ULK4: variants seen among roughly 807,000 people sequenced by gnomAD.
The protein encoded by ULK4 is unc-51 like kinase 4, also known as inactive serine/threonine-protein kinase ULK4.
In ULK4, 133 loss-of-function variants were observed where a neutral mutation model predicts 160.6. The ratio of observed to expected loss-of-function variants is 0.83; its 90% CI spans 0.72 to 0.96. The LOEUF is 0.96. ULK4 is among the 40% of genes least tolerant of loss of function. ULK4 has a pLI of 0.00. For synonymous variants in ULK4, 534 were observed against 539.8 expected, an observed-to-expected ratio of 0.99 and a Z score of 0.15; for missense variants, 1,580 against 1,499.5, an observed-to-expected ratio of 1.05 and a Z score of -0.89.
chr3:41,567,599 G>A (rs971784635), intron 31 of ULK4, among the ~76,000 whole-genome samples: 8 of 151,680 alleles, frequency 5.3e-5, no homozygotes, highest in East Asian at 1.9e-4. Flanking sequence ...GGCATGCACC[G>A]TCATACCCGG....
At chr3:41,369,396 A>C (rs2081317003) in intron 35 of ULK4, among the ~76,000 whole-genome samples, 1 of 152,064 alleles carries the variant, frequency 6.6e-6, no homozygotes, top group Admixed American at 6.6e-5. Flanking sequence ...CAGGAGGCTG[A>C]GGTGAGAGGA....
intron 34 of ULK4, among the ~76,000 whole-genome samples, chr3:41,429,834 G>A (rs1199621924): frequency 1.3e-5 from 2 of 152,076 alleles, no homozygotes; most frequent in East Asian, 3.9e-4. Context: ...GATAGGTACA[G>A]CAAACCACCA....
intron 30 of ULK4, among the ~76,000 whole-genome samples, chr3:41,658,344 G>A (rs2035017799): frequency 6.6e-6 from 1 of 152,156 alleles, no homozygotes; most frequent in Non-Finnish European, 1.5e-5. Context: ...AATTGGCCTA[G>A]GGTATGGCCT....
At chr3:41,436,707 A>G (rs1209108469) in intron 34 of ULK4, among the ~76,000 whole-genome samples, 1 of 152,160 alleles carries the variant, frequency 6.6e-6, no homozygotes, top group Non-Finnish European at 1.5e-5. Context: ...AGTGGGACCG[A>G]GCAACCACGT....
At chr3:41,876,144 T>A (rs148144160) in intron 17 of ULK4, among the ~76,000 whole-genome samples, 1 of 150,228 alleles carries the variant, frequency 6.7e-6, no homozygotes, top group East Asian at 1.9e-4. Context: ...AGAATCAATG[T>A]AATGTGGCAA....
intron 35 of ULK4, among the ~76,000 whole-genome samples, chr3:41,344,752 CAAAAAAA>C (rs59466358): frequency 4.8e-5 from 3 of 62,820 alleles, no homozygotes; most frequent in Non-Finnish European, 9.3e-5. Context: ...GACTCTGTCT[CAAAAAAA>C]AAAAAAAAAA....
intron 20 of ULK4, among the ~76,000 whole-genome samples, chr3:41,799,560 C>T (rs752064661): frequency 3.9e-5 from 6 of 152,110 alleles, no homozygotes; most frequent in Non-Finnish European, 8.8e-5. Context: ...TTTCTACTAT[C>T]GCCTCTAAAT....
At position 41,705,166 on chromosome 3, in the gene ULK4, A is replaced by G; in HGVS notation, c.2687-15T>C. ...TGCTGTCAGTCCTAGAAATACAGTTAATTATTATAGGTGTTTATTTACATG... is the reference window on the plus strand; with the variant it reads ...TGCTGTCAGTCCTAGAAATACAGTTGATTATTATAGGTGTTTATTTACATG... On this transcript the variant is annotated splice_polypyrimidine_tract_variant and intron_variant, in intron 26 of 36. Transcript: ENST00000301831. 6.2e-7 allele frequency: 1 copy of G among 1,608,980 alleles called. No homozygotes were observed. Among genetic ancestry groups the G allele is most frequent in the East Asian group, 2.2e-5 (1 of 44,830 alleles).
At chr3:41,387,854 A>T (rs1478871302) in intron 35 of ULK4, among the ~76,000 whole-genome samples, 1 of 152,214 alleles carries the variant, frequency 6.6e-6, no homozygotes, top group East Asian at 1.9e-4. Context: ...GTGTCTTCAT[A>T]GCAGCATGAT....
intron 3 of ULK4, chr3:41,937,391 CTTT>C (rs1387477438): frequency 4.2e-5 from 28 of 668,830 alleles, no homozygotes; most frequent in Non-Finnish European, 6.2e-5. Flanking sequence ...CAAATTACTT[CTTT>C]AAGTTTTATA....
At chr3:41,431,547 C>CTTTTTTTTTTTTTTT (rs1553664758) in intron 34 of ULK4, among the ~76,000 whole-genome samples, 142 of 95,568 alleles carry the variant, frequency 1.5e-3, no homozygotes, top group East Asian at 6.8e-3. Flanking sequence ...AATTCCCTCC[C>CTTTTTTTTTTTTTTT]TTTTTTTTTT....
intron 32 of ULK4, among the ~76,000 whole-genome samples, chr3:41,509,273 A>T (rs2085492730): frequency 6.6e-6 from 1 of 152,114 alleles, no homozygotes; most frequent in African/African-American, 2.4e-5. Context: ...CATCAAAGAA[A>T]AGAAGAAAGA....
Position 41,657,997 on chromosome 3 carries a change from A to G in ULK4, c.3071+5610T>C, listed in dbSNP as rs532371043. ...CAGACCACTTACAAAAATTGACCAT[A>G]TATTAGGCCAAAGCAAATAATAAGA... On this transcript the variant is annotated intron_variant, in intron 30 of 36. Transcript: ENST00000301831. Among the ~76,000 whole-genome samples the G allele has an allele frequency of 1.1e-3, 162 of 152,270 alleles. 1 individual carries two copies. The highest frequency in any genetic ancestry group is 3.8e-3 in the African/African-American group (157 of 41,544).
chr3:41,466,097 T>A (rs1034588633), intron 32 of ULK4, among the ~76,000 whole-genome samples: 9 of 152,238 alleles, frequency 5.9e-5, no homozygotes, highest in African/African-American at 2.2e-4. Context: ...CAATATGTCC[T>A]ATCTTTGGCC....
chr3:41,334,303 C>T (rs1575442287), intron 35 of ULK4, among the ~76,000 whole-genome samples: 1 of 152,078 alleles, frequency 6.6e-6, no homozygotes, highest in African/African-American at 2.4e-5. Flanking sequence ...ATCAGAGGCC[C>T]GTTGCATCTC....
At chr3:41,500,800 T>C (rs2085176656) in intron 32 of ULK4, among the ~76,000 whole-genome samples, 1 of 152,194 alleles carries the variant, frequency 6.6e-6, no homozygotes, top group African/African-American at 2.4e-5. Context: ...CCGGTCATAT[T>C]AGTTTTTACT....
At chr3:41,405,098 ATAGT>A (rs1383527072) in intron 34 of ULK4, among the ~76,000 whole-genome samples, 3 of 152,104 alleles carry the variant, frequency 2.0e-5, no homozygotes, top group Admixed American at 6.6e-5. Flanking sequence ...ATAGCACTCA[ATAGT>A]TAGTTTTCCA....
chr3:41,837,433 A>G (rs1368835849), intron 17 of ULK4, among the ~76,000 whole-genome samples: 1 of 152,114 alleles, frequency 6.6e-6, no homozygotes, highest in Non-Finnish European at 1.5e-5. Context: ...ACTTTCTGTC[A>G]TTAGCATGTA....
intron 35 of ULK4, among the ~76,000 whole-genome samples, chr3:41,270,333 G>A (rs565030559): frequency 6.6e-6 from 1 of 152,256 alleles, no homozygotes; most frequent in Non-Finnish European, 1.5e-5. Flanking sequence ...CTGTGACTTT[G>A]AAGCAAGCCC....
Sources: allele counts gnomAD v4.1 joint callset (sites outside exome capture counted in the v4.1 genomes callset), GRCh38; gene constraint gnomAD v4.1.1; transcripts MANE v1.5; gene names NCBI Gene and HGNC (gene_info 2026-07-23, HGNC 2026-07-21).